Variants in TEX101 observed in about 807,000 individuals in gnomAD.
TEX101 encodes testis-expressed protein 101.
A neutral mutation model predicts 18.1 loss-of-function variants in TEX101; 10 were observed. The observed-to-expected ratio is 0.55, with a 90% CI of 0.34 to 0.94. TEX101 has a LOEUF of 0.94. Among genes scored for constraint, TEX101 ranks in the 40% least tolerant of loss-of-function variants. The probability of loss-of-function intolerance (pLI) is 0.02; values close to 1 mark genes in which losing one functional copy is unlikely to be tolerated. For synonymous variants in TEX101, 94 were observed against 114.8 expected, an observed-to-expected ratio of 0.82 and a Z score of 1.16; for missense variants, 259 against 298.9, an observed-to-expected ratio of 0.87 and a Z score of 0.98.
At chr19:43,399,989 A>G (rs1384535072), upstream of TEX101, among the ~76,000 whole-genome samples, 4 of 151,778 alleles carry the variant, frequency 2.6e-5, no homozygotes, top group African/African-American at 9.7e-5. Flanking sequence ...AAATTTTTGC[A>G]TTTTTAGTAA....
At chr19:43,392,930 C>T in the TEX101 span, among the ~76,000 whole-genome samples, 1 of 152,046 alleles carries the variant, frequency 6.6e-6, no homozygotes, top group African/African-American at 2.4e-5. Context: ...TGGTGGCACA[C>T]ACCTGTAATC....
At chr19:43,398,232 A>G (rs910812650), upstream of TEX101, among the ~76,000 whole-genome samples, 1 of 110,310 alleles carries the variant, frequency 9.1e-6, no homozygotes, top group African/African-American at 3.4e-5. Context: ...ATAACATATA[A>G]TATATAAAAT....
upstream of TEX101, among the ~76,000 whole-genome samples, chr19:43,411,589 A>T (rs1340639566): frequency 1.3e-5 from 2 of 152,162 alleles, no homozygotes; most frequent in African/African-American, 4.8e-5. Context: ...CCATGGATTC[A>T]TAAACTATTT....
chr19:43,412,216 C>G (rs537867599), upstream of TEX101, among the ~76,000 whole-genome samples: 6 of 152,056 alleles, frequency 3.9e-5, no homozygotes, highest in African/African-American at 1.4e-4. Flanking sequence ...TCTGGGGAGG[C>G]CTCAGAGAGC....
At chr19:43,413,955 C>CA (rs546677693), upstream of TEX101, among the ~76,000 whole-genome samples, 3,548 of 145,142 alleles carry the variant, frequency 0.024, 59 homozygotes, top group African/African-American at 0.052. Context: ...GCTCTGTCTC[C>CA]AAAAAAAAAA....
intron 3 of TEX101, among the ~76,000 whole-genome samples, chr19:43,407,546 C>G (rs1487848614): frequency 1.3e-5 from 2 of 152,014 alleles, no homozygotes; most frequent in Non-Finnish European, 2.9e-5. Context: ...TGGGATTAGA[C>G]CATGTGAGAC....
upstream of TEX101, among the ~76,000 whole-genome samples, chr19:43,400,204 T>C (rs1970307575): frequency 6.6e-6 from 1 of 152,220 alleles, no homozygotes; most frequent in Admixed American, 6.5e-5. Flanking sequence ...ACATAATTCT[T>C]ACTTCATATC....
Position 43,416,228 on chromosome 19 carries a change from T to A in TEX101, c.194T>A (p.Leu65Gln). The change falls in exon 3 of 6, where the codon CTA becomes CAA. Residue 65 changes from leucine to glutamine, a missense_variant. Transcript: ENST00000598265. ...DKGALCQETI[L>Q]IIKAGTETAI... ...GGGGCACTTTGCCAGGAAACCATAC[T>A]AATAATTAAAGCAGGTGAAATGAGA... is the stretch of plus-strand genomic sequence containing the variant. The A allele has an allele frequency of 6.2e-7, 1 of 1,608,692 alleles. No individual in the cohort carries two copies. The highest frequency in any genetic ancestry group is 8.5e-7 in the Non-Finnish European group (1 of 1,177,770).
intron 4 of TEX101, 98 bp from the exon 5 acceptor site, chr19:43,417,778 AGT>A: frequency 1.4e-6 from 2 of 1,481,418 alleles, no homozygotes; most frequent in Non-Finnish European, 1.9e-6. Context: ...CCTTGATTAG[AGT>A]GGCATCTGCA....
intron 1 of TEX101, among the ~76,000 whole-genome samples, chr19:43,402,432 G>GAA (rs1167956414): frequency 6.6e-6 from 1 of 152,164 alleles, no homozygotes; most frequent in Non-Finnish European, 1.5e-5. Flanking sequence ...CAATAAAAGA[G>GAA]AAAAATAAAA....
upstream of TEX101, among the ~76,000 whole-genome samples, chr19:43,397,518 C>T (rs1411430618): frequency 2.6e-5 from 4 of 151,738 alleles, no homozygotes; most frequent in Non-Finnish European, 2.9e-5. Context: ...AAACATAATA[C>T]CAAGAATACC....
chr19:43,412,775 T>G (rs1599901658), upstream of TEX101, among the ~76,000 whole-genome samples: 1 of 152,324 alleles, frequency 6.6e-6, no homozygotes. Context: ...TGGCATTTTC[T>G]CTATTAAAAA....
chr19:43,414,550 G>C (rs1057335185), upstream of TEX101, among the ~76,000 whole-genome samples: 10 of 152,168 alleles, frequency 6.6e-5, no homozygotes, highest in African/African-American at 2.4e-4. Flanking sequence ...GATAAGTTCC[G>C]TGAGTGAGGG....
At chr19:43,413,662 G>A (rs1426712214), upstream of TEX101, among the ~76,000 whole-genome samples, 1 of 151,992 alleles carries the variant, frequency 6.6e-6, no homozygotes. Flanking sequence ...CACCTGGAAA[G>A]CTTACATAGG....
the TEX101 span, among the ~76,000 whole-genome samples, chr19:43,389,663 T>TCTGAATCTGTTCCTGTGCTGGGTTCTCC: frequency 6.6e-6 from 1 of 152,182 alleles, no homozygotes; most frequent in Non-Finnish European, 1.5e-5. Context: ...GGCGGTTTTC[T>TCTGAATCTGTTCCTGTGCTGGGTTCTCC]CTGAATCTGT....
chr19:43,417,030 C>CAAAAA (rs746528568), intron 4 of TEX101, among the ~76,000 whole-genome samples: 1 of 70,522 alleles, frequency 1.4e-5, no homozygotes, highest in African/African-American at 4.8e-5. Flanking sequence ...AAGACTCCAT[C>CAAAAA]AAAAAAAAAA....
At position 43,418,519 on chromosome 19, in the gene TEX101, C is replaced by A; in HGVS notation, c.*122C>A. ...AGGGAGAATACAGAGATACTATGAA[C>A]GTATTTGACATTTTTAATACAATTT... On this transcript the variant is annotated 3_prime_UTR_variant, in exon 6 of 6. Coordinates refer to ENST00000598265, the MANE Select transcript of TEX101 (RefSeq NM_001130011.3). 2.6e-6 allele frequency: 2 copies of A among 762,214 alleles called. No individual in the cohort carries two copies. Among genetic ancestry groups the A allele is most frequent in the South Asian group, 3.7e-5 (2 of 54,786 alleles). 47.2% of individuals were successfully genotyped at this position (762,214 alleles called of 1,614,324 possible). A position where few individuals can be genotyped will look rare whatever the true frequency, so the allele number is the denominator to read the frequency against.
upstream of TEX101, among the ~76,000 whole-genome samples, chr19:43,411,425 G>A (rs558053720): frequency 4.6e-5 from 7 of 152,204 alleles, no homozygotes; most frequent in African/African-American, 1.7e-4. Context: ...GCAATTAAGA[G>A]ATCGCTCTGG....
At chr19:43,414,650 C>A (rs953507695), upstream of TEX101, among the ~76,000 whole-genome samples, 3 of 152,222 alleles carry the variant, frequency 2.0e-5, no homozygotes, top group Non-Finnish European at 4.4e-5. Flanking sequence ...TCTGGCAACG[C>A]ACTGCCCACC....
Sources: allele counts gnomAD v4.1 joint callset (sites outside exome capture counted in the v4.1 genomes callset), GRCh38; gene constraint gnomAD v4.1.1; transcripts MANE v1.5; gene names NCBI Gene and HGNC (gene_info 2026-07-23, HGNC 2026-07-21).